Variants in KLHL29 observed in about 807,000 individuals in gnomAD.
The protein encoded by KLHL29 is kelch-like protein 29.
A neutral mutation model predicts 80.4 loss-of-function variants in KLHL29; 21 were observed. The observed-to-expected ratio is 0.26, with a 90% CI of 0.19 to 0.38. KLHL29 has a LOEUF of 0.38. Ranked by LOEUF, KLHL29 falls within the 10% of genes least tolerant of loss-of-function variation. The pLI is 1.00. For missense variants in KLHL29, 867 were observed against 1,223.9 expected (o/e 0.71, Z 4.35); for synonymous variants, 511 against 526.8 (o/e 0.97, Z 0.41).
At chr2:23,445,007 C>T (rs575870705) in intron 1 of KLHL29, among the ~76,000 whole-genome samples, 1 of 152,320 alleles carries the variant, frequency 6.6e-6, no homozygotes, top group African/African-American at 2.4e-5. Flanking sequence ...GAAACTGTGA[C>T]TTTAAATGAA....
intron 3 of KLHL29, among the ~76,000 whole-genome samples, chr2:23,582,836 C>A (rs956611554): frequency 6.6e-6 from 1 of 152,194 alleles, no homozygotes; most frequent in Non-Finnish European, 1.5e-5. Flanking sequence ...CCCCACCCCC[C>A]AGCCAAATAT....
chr2:23,420,186 C>T (rs955562924), intron 1 of KLHL29, among the ~76,000 whole-genome samples: 6 of 152,138 alleles, frequency 3.9e-5, no homozygotes, highest in East Asian at 1.9e-4. Context: ...TCACGGACTC[C>T]GCATCGTCTA....
Position 23,548,580 on chromosome 2 carries a change from G to A in KLHL29, c.-45-13572G>A, listed in dbSNP as rs114952605. On this transcript the variant is annotated intron_variant, in intron 2 of 13. Transcript: ENST00000486442. ...AACCTTGAGAGCCAGTGTGCGATGC[G>A]CCAACCCATCTCTCCTTTTGCCACA... Among the ~76,000 whole-genome samples, 668 of 152,284 alleles carry A rather than the reference G, an allele frequency of 4.4e-3. 9 individuals are homozygous for A. The highest frequency in any genetic ancestry group is 0.016 in the African/African-American group (647 of 41,552).
At chr2:23,636,447 TA>T (rs1366509598) in intron 3 of KLHL29, among the ~76,000 whole-genome samples, 1 of 151,108 alleles carries the variant, frequency 6.6e-6, no homozygotes, top group Non-Finnish European at 1.5e-5. Context: ...TGCTTTCTTA[TA>T]CATAAGAAAT....
rs2149188001 is a variant in KLHL29, at chr2:23,681,550, C to G, written c.941-2849C>G. On this transcript the variant is annotated intron_variant, in intron 5 of 13. Coordinates refer to ENST00000486442, the MANE Select transcript of KLHL29 (RefSeq NM_052920.2). The surrounding 1 kb of genome is among the most constrained non-coding windows in gnomAD (Gnocchi z 4.2). The stretch of plus-strand genomic sequence containing the variant: ...CTGTTGTGTTTTCCAGGCCCCTAAG[C>G]ACTGATTAACTCAGCAGGCATGTGG... Among the ~76,000 whole-genome samples, 1 of 152,296 alleles carries G rather than the reference C, an allele frequency of 6.6e-6. No individual in the cohort carries two copies. The highest frequency in any genetic ancestry group is 6.5e-5 in the Admixed American group (1 of 15,306).
intron 3 of KLHL29, among the ~76,000 whole-genome samples, chr2:23,618,407 G>A (rs867993328): frequency 2.6e-5 from 4 of 152,222 alleles, no homozygotes; most frequent in South Asian, 2.1e-4. Flanking sequence ...AAAGCAGCTC[G>A]CCCTCCCCAA....
rs56260631 is a variant in KLHL29, at chr2:23,551,921, T to G, written c.-45-10231T>G. 4.6e-3 allele frequency among the ~76,000 whole-genome samples: 696 copies of G among 152,364 alleles called. 5 individuals carry two copies. The highest frequency in any genetic ancestry group is 0.014 in the Middle Eastern group (4 of 294). On this transcript the variant is annotated intron_variant, in intron 2 of 13. Coordinates refer to ENST00000486442, the MANE Select transcript of KLHL29 (RefSeq NM_052920.2). ...TTTGAGTAGGGAGGAGATAGGCCAC[T>G]ATGCCCAGCCCTGGGCTTCACCCTC...
At chr2:23,487,428 C>A (rs1664964310) in intron 2 of KLHL29, among the ~76,000 whole-genome samples, 1 of 152,200 alleles carries the variant, frequency 6.6e-6, no homozygotes, top group Non-Finnish European at 1.5e-5. Flanking sequence ...GGACACTTTG[C>A]AGCCTCTGGC....
intron 3 of KLHL29, among the ~76,000 whole-genome samples, chr2:23,634,255 T>TA (rs1267838825): frequency 6.6e-6 from 1 of 152,188 alleles, no homozygotes; most frequent in Non-Finnish European, 1.5e-5. Context: ...GGGAGACAGT[T>TA]TCCTTGGCAG....
rs1375661964 is a variant in KLHL29 at position 23,703,725 on chromosome 2, A to C, written c.2306A>C (p.Lys769Thr). The C allele has an allele frequency of 6.5e-7, 1 of 1,536,042 alleles. No homozygotes were observed. The highest frequency in any genetic ancestry group is 8.7e-7 in the Non-Finnish European group (1 of 1,146,364). ...SFIESPMIDNKYAPAVTLNGF... is the reference protein window; with the variant it reads ...SFIESPMIDNTYAPAVTLNGF... ...TGCTCTGCTCTCCTCACAGACAACA[A>C]GTATGCCCCCGCTGTCACGCTCAAT... Residue 769 changes from lysine (K) to threonine (T), a missense_variant, in exon 13 of 14, where the codon AAG (lysine) becomes ACG (threonine). Transcript: ENST00000486442.
rs141150633 is a variant in KLHL29, at chr2:23,672,205, G to A, written c.941-12194G>A. On this transcript the variant is annotated intron_variant, in intron 5 of 13. Coordinates refer to ENST00000486442, the MANE Select transcript of KLHL29 (RefSeq NM_052920.2). ...GTCCAGGCCTCATGGCCACACACCA[G>A]CTACCAGGGAGCTACCTCCCCTGGG... 255 of 152,474 alleles carry A rather than the reference G, an allele frequency of 1.7e-3. 3 individuals are homozygous for A. The highest frequency in any genetic ancestry group is 6.1e-3 in the African/African-American group (252 of 41,578). 9.4% of individuals were successfully genotyped at this position (152,474 alleles called of 1,614,324 possible).
intron 1 of KLHL29, among the ~76,000 whole-genome samples, chr2:23,434,565 C>T (rs1386879538): frequency 1.3e-5 from 2 of 152,114 alleles, no homozygotes; most frequent in Non-Finnish European, 2.9e-5. Flanking sequence ...AAACTTGGGC[C>T]TTGTAGACGG....
At chr2:23,411,650 C>A (rs1007246919) in intron 1 of KLHL29, among the ~76,000 whole-genome samples, 2 of 152,086 alleles carry the variant, frequency 1.3e-5, no homozygotes, top group Non-Finnish European at 2.9e-5. Context: ...TATCCTTATT[C>A]TTCTTGCATT....
At chr2:23,617,072 AC>A (rs1228595284) in intron 3 of KLHL29, 1 of 152,030 alleles carries the variant, frequency 6.6e-6, no homozygotes, top group African/African-American at 2.4e-5. Context: ...GGTAAATGAA[AC>A]CTTTCACTGT....
At chr2:23,632,824 C>A (rs1001317226) in intron 3 of KLHL29, among the ~76,000 whole-genome samples, 1 of 152,252 alleles carries the variant, frequency 6.6e-6, no homozygotes, top group Non-Finnish European at 1.5e-5. Flanking sequence ...GCCTCTGCAG[C>A]GCATGGACTC....
intron 3 of KLHL29, among the ~76,000 whole-genome samples, chr2:23,576,179 C>T (rs1012505933): frequency 1.3e-5 from 2 of 152,064 alleles, no homozygotes; most frequent in Non-Finnish European, 2.9e-5. Flanking sequence ...GTGGCTGGCA[C>T]CTGTAATCTC....
intron 3 of KLHL29, among the ~76,000 whole-genome samples, chr2:23,573,594 TC>T (rs1226009159): frequency 6.6e-6 from 1 of 152,084 alleles, no homozygotes; most frequent in Non-Finnish European, 1.5e-5. Flanking sequence ...AGCCACAGAC[TC>T]CCCACAGAAC....
chr2:23,684,540 T>TTGCC lies in KLHL29; in HGVS notation c.1079+5_1079+8dup. On this transcript the variant is annotated splice_donor_region_variant and intron_variant, in intron 6 of 13. Coordinates refer to ENST00000486442, the MANE Select transcript of KLHL29 (RefSeq NM_052920.2). This position sits in a 1 kb window ranked among gnomAD's most constrained non-coding sequence, Gnocchi z 4.4. The stretch of plus-strand genomic sequence containing the variant: ...TATTTCAAGGACCTGATTCAAAGGT[T>TTGCC]TGCCTTCCTTCCAGCTGTGGTCGGG... 1 of 1,543,546 alleles carries TTGCC rather than the reference T, an allele frequency of 6.5e-7. No individual in the cohort carries two copies. The highest frequency in any genetic ancestry group is 8.7e-7 in the Non-Finnish European group (1 of 1,144,598).
At chr2:23,434,123 C>T (rs559080417) in intron 1 of KLHL29, among the ~76,000 whole-genome samples, 1 of 152,012 alleles carries the variant, frequency 6.6e-6, no homozygotes, top group South Asian at 2.1e-4. Flanking sequence ...AGATCGAGAC[C>T]ATCTTGGCTA....
Sources: gnomAD v4.1 joint callset for allele counts (sites outside exome capture counted in the v4.1 genomes callset) on GRCh38, gnomAD v4.1.1 for gene constraint, Gnocchi (gnomAD v3.1) non-coding constraint, MANE v1.5 for transcripts, NCBI Gene and HGNC (gene_info 2026-07-23, HGNC 2026-07-21) for gene names.